The following WWOX variants were observed in gnomAD, a reference collection of about 807,000 sequenced individuals.
The protein encoded by WWOX is WW domain containing oxidoreductase, also known as WW domain-containing oxidoreductase.
WWOX carries 69 observed loss-of-function variants against 46.2 expected under a neutral mutation model. That is an observed-to-expected ratio of 1.49 (90% CI 1.23 to 1.82). The LOEUF (loss-of-function observed/expected upper bound fraction) is 1.82, where lower values mean the gene tolerates loss of function less well. WWOX is among the 40% of genes most tolerant of loss of function. WWOX has a pLI of 0.00. For synonymous variants in WWOX, 359 were observed against 202.6 expected, an observed-to-expected ratio of 1.77 and a Z score of -6.56; for missense variants, 919 against 542.6, an observed-to-expected ratio of 1.69 and a Z score of -6.89.
At chr16:79,004,728 A>G (rs1341711689) in intron 8 of WWOX, 3 of 152,220 alleles carry the variant, frequency 2.0e-5, no homozygotes, top group South Asian at 2.1e-4. Context: ...TGTTTTGAAA[A>G]TACTTGAAAG....
At chr16:79,004,731 C>G (rs1030038326) in intron 8 of WWOX, 2 of 152,208 alleles carry the variant, frequency 1.3e-5, no homozygotes, top group African/African-American at 2.4e-5. Flanking sequence ...TTTGAAAATA[C>G]TTGAAAGTCC....
At chr16:78,444,684 C>A (rs968735930) in intron 8 of WWOX, among the ~76,000 whole-genome samples, 3 of 151,970 alleles carry the variant, frequency 2.0e-5, no homozygotes, top group Admixed American at 1.3e-4. Flanking sequence ...GCGCGTGCCA[C>A]CACACCCGGC....
At chr16:79,047,331 A>G (rs1174194463) in intron 8 of WWOX, among the ~76,000 whole-genome samples, 3 of 152,216 alleles carry the variant, frequency 2.0e-5, no homozygotes, top group Non-Finnish European at 2.9e-5. Flanking sequence ...TTGAGCCGCA[A>G]TGCTGAAAAG....
chr16:78,987,751 C>G (rs993223889), intron 8 of WWOX, among the ~76,000 whole-genome samples: 1 of 152,168 alleles, frequency 6.6e-6, no homozygotes, highest in African/African-American at 2.4e-5. Context: ...CCCAAACTCT[C>G]TGTGTCCTTT....
chr16:78,575,577 C>T (rs2044857747), intron 8 of WWOX, among the ~76,000 whole-genome samples: 1 of 152,096 alleles, frequency 6.6e-6, no homozygotes, highest in South Asian at 2.1e-4. Context: ...GGATCTCCCA[C>T]ATGCCCTCTC....
At chr16:78,108,782 GT>G (rs1182752404) in intron 2 of WWOX, among the ~76,000 whole-genome samples, 5 of 152,354 alleles carry the variant, frequency 3.3e-5, no homozygotes, top group Non-Finnish European at 7.4e-5. Context: ...GAGGTCAGGA[GT>G]TTGAGACTAG....
intron 8 of WWOX, among the ~76,000 whole-genome samples, chr16:79,045,857 A>AG (rs1023297521): frequency 8.5e-6 from 1 of 117,194 alleles, no homozygotes; most frequent in Non-Finnish European, 1.6e-5. Context: ...GCTGGAGTGC[A>AG]GTGGCACAAT....
chr16:78,611,559 C>G (rs1045249512), intron 8 of WWOX, among the ~76,000 whole-genome samples: 5 of 152,140 alleles, frequency 3.3e-5, no homozygotes, highest in Non-Finnish European at 7.3e-5. Context: ...CCAGTACTGC[C>G]CTAAGCAAGA....
At chr16:78,274,827 C>T (rs2079547954) in intron 5 of WWOX, among the ~76,000 whole-genome samples, 1 of 152,186 alleles carries the variant, frequency 6.6e-6, no homozygotes, top group Non-Finnish European at 1.5e-5. Context: ...AATTCTTTCT[C>T]CCTTAATGCC....
intron 5 of WWOX, among the ~76,000 whole-genome samples, chr16:78,280,168 C>G (rs544397943): frequency 6.6e-6 from 1 of 152,314 alleles, no homozygotes; most frequent in East Asian, 1.9e-4. Flanking sequence ...ATATGTTCTT[C>G]AGGTACAGTT....
chr16:78,727,776 C>A (rs999941428), intron 8 of WWOX, among the ~76,000 whole-genome samples: 2 of 152,136 alleles, frequency 1.3e-5, no homozygotes, highest in Admixed American at 1.3e-4. Context: ...CCTTGTCTCC[C>A]TGGTGGTGAG....
intron 8 of WWOX, among the ~76,000 whole-genome samples, chr16:79,009,935 T>A (rs1044751418): frequency 2.0e-5 from 3 of 152,200 alleles, no homozygotes; most frequent in African/African-American, 7.2e-5. Context: ...TGATAATTTG[T>A]CTATTAACGT....
chr16:78,315,477 C>T (rs1268656828), intron 5 of WWOX, among the ~76,000 whole-genome samples: 1 of 151,948 alleles, frequency 6.6e-6, no homozygotes, highest in East Asian at 1.9e-4. Context: ...GGTGAGACCC[C>T]CATCTCTGCT....
At chr16:78,794,566 C>G (rs183285205) in intron 8 of WWOX, among the ~76,000 whole-genome samples, 11 of 152,314 alleles carry the variant, frequency 7.2e-5, no homozygotes, top group East Asian at 5.8e-4. Context: ...GGTAATAACC[C>G]TAATACCTCT....
chr16:79,118,105 A>G (rs572106276), intron 8 of WWOX, among the ~76,000 whole-genome samples: 1 of 152,360 alleles, frequency 6.6e-6, no homozygotes, highest in Admixed American at 6.5e-5. Context: ...CTTTCTCGTT[A>G]AGCTTAATCA....
intron 8 of WWOX, among the ~76,000 whole-genome samples, chr16:79,185,578 C>T (rs1405947457): frequency 6.6e-6 from 1 of 152,202 alleles, no homozygotes; most frequent in Non-Finnish European, 1.5e-5. Context: ...GCACAGATCT[C>T]ATGTCAAAGA....
chr16:78,681,054 C>T (rs959473550), intron 8 of WWOX, among the ~76,000 whole-genome samples: 1 of 152,030 alleles, frequency 6.6e-6, no homozygotes, highest in Admixed American at 6.5e-5. Flanking sequence ...TTCGAGACCA[C>T]CCTGGCTAAC....
intron 5 of WWOX, among the ~76,000 whole-genome samples, chr16:78,289,614 A>G (rs1288921788): frequency 6.6e-6 from 1 of 152,194 alleles, no homozygotes; most frequent in Admixed American, 6.5e-5. Flanking sequence ...CCTAAAGGTA[A>G]ATGATTCACC....
intron 8 of WWOX, among the ~76,000 whole-genome samples, chr16:78,635,233 G>A (rs751081672): frequency 8.5e-5 from 13 of 152,168 alleles, no homozygotes; most frequent in Non-Finnish European, 1.6e-4. Context: ...AATTAGATGC[G>A]TGAGACCCTT....
Sources: allele counts gnomAD v4.1 joint callset (sites outside exome capture counted in the v4.1 genomes callset), GRCh38; gene constraint gnomAD v4.1.1; transcripts MANE v1.5; gene names NCBI Gene and HGNC (gene_info 2026-07-23, HGNC 2026-07-21).